UNC5D: variants seen among roughly 807,000 people sequenced by gnomAD.
UNC5D encodes the protein unc-5 netrin receptor D.
A neutral mutation model predicts 105.4 loss-of-function variants in UNC5D; 39 were observed. The ratio of observed to expected loss-of-function variants is 0.37; its 90% confidence interval spans 0.29 to 0.48. The LOEUF (loss-of-function observed/expected upper bound fraction) is 0.48. Ranked by LOEUF, UNC5D falls within the 20% of genes least tolerant of loss-of-function variation. The pLI, the probability that UNC5D is intolerant of heterozygous loss-of-function variation, is 0.98. For synonymous variants in UNC5D, 452 were observed against 450.4 expected, an observed-to-expected ratio of 1.00 and a Z score of -0.04; for missense variants, 991 against 1,202.4, an observed-to-expected ratio of 0.82 and a Z score of 2.60.
At chr8:35,282,006 A>G (rs1806220268) in intron 1 of UNC5D, among the ~76,000 whole-genome samples, 1 of 152,182 alleles carries the variant, frequency 6.6e-6, no homozygotes, top group South Asian at 2.1e-4. Flanking sequence ...ATATCGTATT[A>G]TTTTCCATCA....
intron 1 of UNC5D, among the ~76,000 whole-genome samples, chr8:35,484,713 G>A (rs1810717744): frequency 6.6e-6 from 1 of 152,036 alleles, no homozygotes; most frequent in Non-Finnish European, 1.5e-5. Context: ...TTAATATCAT[G>A]GATCTTATTC....
chr8:35,614,063 G>T (rs1820861758), intron 4 of UNC5D, among the ~76,000 whole-genome samples: 1 of 152,192 alleles, frequency 6.6e-6, no homozygotes, highest in Non-Finnish European at 1.5e-5. Flanking sequence ...AATTATTTCT[G>T]ATGTATTAAC....
chr8:35,613,473 T>C (rs1820827364), intron 4 of UNC5D, among the ~76,000 whole-genome samples: 1 of 152,240 alleles, frequency 6.6e-6, no homozygotes, highest in Non-Finnish European at 1.5e-5. Flanking sequence ...ACCTGGCTCT[T>C]TGGCCCACTT....
chr8:35,529,227 A>G (rs1814137520), intron 1 of UNC5D, among the ~76,000 whole-genome samples: 1 of 99,144 alleles, frequency 1.0e-5, no homozygotes, highest in Admixed American at 1.1e-4. Context: ...ATTTTTGTGT[A>G]AGGTGTAAGG....
At position 35,642,267 on chromosome 8, in the gene UNC5D, G is replaced by A. The variant is rs534910059; in HGVS notation, c.571-41280G>A. ...CTGTGAAATTAGCCACATTATCTGT[G>A]GGACATGGGTGTTAAAGCAGTGGTT... On this transcript the variant is annotated intron_variant, in intron 4 of 16. Coordinates refer to ENST00000404895, the MANE Select transcript of UNC5D (RefSeq NM_080872.4). Among the ~76,000 whole-genome samples the A allele has an allele frequency of 1.1e-4, 16 of 152,214 alleles. 1 individual carries two copies. The South Asian group carries it at 3.3e-3, about 32-fold the overall frequency.
intron 4 of UNC5D, among the ~76,000 whole-genome samples, chr8:35,607,419 CT>C: frequency 6.6e-6 from 1 of 152,274 alleles, no homozygotes; most frequent in South Asian, 2.1e-4. Flanking sequence ...TTCTGGGGCT[CT>C]GAAAGAGAAA....
intron 4 of UNC5D, among the ~76,000 whole-genome samples, chr8:35,641,366 C>CAAAAAAAAAAAAAAAAAAAGAAA (rs1198851612): frequency 1.6e-4 from 7 of 44,290 alleles, no homozygotes; most frequent in Non-Finnish European, 2.1e-4. Context: ...AAAAATAAAG[C>CAAAAAAAAAAAAAAAAAAAGAAA]AAAAAAAAAA....
chr8:35,659,767 T>C (rs1053491841), intron 4 of UNC5D, among the ~76,000 whole-genome samples: 1 of 152,188 alleles, frequency 6.6e-6, no homozygotes, highest in Non-Finnish European at 1.5e-5. Context: ...GCTGATGTCA[T>C]TGCTGGAACA....
At chr8:35,657,080 GTATATATATATATATATATATATA>G (rs3077002) in intron 4 of UNC5D, among the ~76,000 whole-genome samples, 6 of 46,520 alleles carry the variant, frequency 1.3e-4, no homozygotes, top group African/African-American at 3.4e-4. Flanking sequence ...GTGTGTGTGT[GTATATATATATATATATATATATA>G]TATATATATA....
At chr8:35,595,509 A>C (rs1187377778) in intron 3 of UNC5D, 45 bp from the exon 4 acceptor site, 1 of 1,581,802 alleles carries the variant, frequency 6.3e-7, no homozygotes, top group Non-Finnish European at 8.7e-7. Flanking sequence ...TTTGAATAAC[A>C]CTAGACTTGA....
chr8:35,710,112 G>A (rs1827849211), intron 8 of UNC5D, among the ~76,000 whole-genome samples: 1 of 151,968 alleles, frequency 6.6e-6, no homozygotes, highest in Admixed American at 6.6e-5. Flanking sequence ...GGGAACCAGG[G>A]CAGAAGCAAG....
chr8:35,498,075 A>G (rs1401641085), intron 1 of UNC5D, among the ~76,000 whole-genome samples: 8 of 113,356 alleles, frequency 7.1e-5, no homozygotes, highest in African/African-American at 3.5e-4. Flanking sequence ...ATCTCAAAAC[A>G]AAACAAAACA....
intron 4 of UNC5D, among the ~76,000 whole-genome samples, chr8:35,655,629 T>A (rs888583856): frequency 6.6e-6 from 1 of 152,216 alleles, no homozygotes; most frequent in African/African-American, 2.4e-5. Flanking sequence ...ACAGGACTTA[T>A]GAAAAAGTAG....
At chr8:35,328,225 TTTTATTTA>T (rs61297092) in intron 1 of UNC5D, among the ~76,000 whole-genome samples, 1 of 150,596 alleles carries the variant, frequency 6.6e-6, no homozygotes, top group African/African-American at 2.4e-5. Context: ...ATTTACTTTA[TTTTATTTA>T]TTTATTTATT....
At chr8:35,453,670 G>T (rs999030992) in intron 1 of UNC5D, among the ~76,000 whole-genome samples, 27 of 152,136 alleles carry the variant, frequency 1.8e-4, no homozygotes, top group African/African-American at 6.5e-4. Flanking sequence ...GTTTGGCCTA[G>T]TTCTTTTTTT....
intron 1 of UNC5D, among the ~76,000 whole-genome samples, chr8:35,434,027 A>G (rs1410762726): frequency 2.0e-5 from 3 of 152,036 alleles, no homozygotes; most frequent in African/African-American, 7.2e-5. Flanking sequence ...ACAATAATTT[A>G]TTTTAAAGCT....
chr8:35,258,605 G>C (rs1203481948), intron 1 of UNC5D, among the ~76,000 whole-genome samples: 2 of 151,348 alleles, frequency 1.3e-5, no homozygotes, highest in Admixed American at 1.3e-4. Flanking sequence ...TATATGCAAA[G>C]TATTTAAAAT....
intron 3 of UNC5D, among the ~76,000 whole-genome samples, chr8:35,580,275 G>A (rs1216186792): frequency 6.6e-6 from 1 of 152,110 alleles, no homozygotes; most frequent in African/African-American, 2.4e-5. Flanking sequence ...TATGAGAGCA[G>A]AATCAAAAAT....
intron 1 of UNC5D, among the ~76,000 whole-genome samples, chr8:35,432,977 T>G (rs576591022): frequency 6.6e-5 from 10 of 152,268 alleles, no homozygotes; most frequent in African/African-American, 2.4e-4. Context: ...ACTGTGAAAT[T>G]TGGGGAGGTG....
Sources: gnomAD v4.1 joint callset for allele counts (sites outside exome capture counted in the v4.1 genomes callset) on GRCh38, gnomAD v4.1.1 for gene constraint, MANE v1.5 for transcripts, NCBI Gene and HGNC (gene_info 2026-07-23, HGNC 2026-07-21) for gene names.